Variants in PTPRD observed in about 807,000 individuals in gnomAD.
PTPRD encodes protein tyrosine phosphatase receptor type D, also known as receptor-type tyrosine-protein phosphatase delta.
In PTPRD, 34 loss-of-function variants were observed where a neutral mutation model predicts 214.5. That is an observed-to-expected ratio of 0.16 (90% CI 0.12 to 0.21). The LOEUF (loss-of-function observed/expected upper bound fraction) is 0.21, where lower values mean the gene tolerates loss of function less well. Ranked by LOEUF, PTPRD falls within the 10% of genes least tolerant of loss-of-function variation. The probability of loss-of-function intolerance (pLI) is 1.00; values close to 1 mark genes in which losing one functional copy is unlikely to be tolerated. For missense variants in PTPRD, 2,545 were observed against 2,398.7 expected (o/e 1.06, Z -1.27); for synonymous variants, 1,128 against 845.7 (o/e 1.33, Z -5.79).
intron 3 of PTPRD, among the ~76,000 whole-genome samples, chr9:10,298,325 G>C (rs1250031751): frequency 6.6e-6 from 1 of 152,032 alleles, no homozygotes; most frequent in African/African-American, 2.4e-5. Flanking sequence ...TATTGTAAAA[G>C]ATCCATTACT....
At chr9:10,308,565 A>G (rs1406275341) in intron 3 of PTPRD, among the ~76,000 whole-genome samples, 1 of 151,978 alleles carries the variant, frequency 6.6e-6, no homozygotes, top group Non-Finnish European at 1.5e-5. Flanking sequence ...GGTTTCATAA[A>G]AATTTAAAGA....
chr9:8,659,240 A>C (rs1480180712), intron 12 of PTPRD, among the ~76,000 whole-genome samples: 2 of 152,202 alleles, frequency 1.3e-5, no homozygotes, highest in Non-Finnish European at 2.9e-5. Flanking sequence ...GAATTTCTTC[A>C]AGTGAATGCT....
At chr9:10,590,074 T>C (rs2075044259) in intron 2 of PTPRD, among the ~76,000 whole-genome samples, 1 of 151,992 alleles carries the variant, frequency 6.6e-6, no homozygotes, top group African/African-American at 2.4e-5. Flanking sequence ...GTCAATGAGG[T>C]GAAAACAGCA....
intron 11 of PTPRD, among the ~76,000 whole-genome samples, chr9:8,848,311 TCC>T (rs1491538131): frequency 3.2e-5 from 2 of 63,184 alleles, no homozygotes; most frequent in Non-Finnish European, 5.5e-5. Flanking sequence ...TTAAGATTTT[TCC>T]TTTTTTTTTT....
At chr9:8,929,833 G>A (rs1323429938) in intron 11 of PTPRD, among the ~76,000 whole-genome samples, 1 of 97,318 alleles carries the variant, frequency 1.0e-5, no homozygotes, top group East Asian at 3.6e-4. Context: ...ATATATATGT[G>A]TATATATATG....
chr9:10,224,467 G>A (rs766196613), intron 3 of PTPRD, among the ~76,000 whole-genome samples: 8 of 151,846 alleles, frequency 5.3e-5, no homozygotes, highest in Non-Finnish European at 7.4e-5. Context: ...TAGAAAAAAT[G>A]TTAATTTTTA....
intron 9 of PTPRD, among the ~76,000 whole-genome samples, chr9:9,217,122 A>G (rs76544003): frequency 0.058 from 8,893 of 152,080 alleles, 287 homozygotes; most frequent in South Asian, 0.085. Flanking sequence ...AGCCAAAGAG[A>G]TTCCACTGGG....
At chr9:8,829,725 A>T (rs1489683065) in intron 11 of PTPRD, among the ~76,000 whole-genome samples, 1 of 152,152 alleles carries the variant, frequency 6.6e-6, no homozygotes, top group Non-Finnish European at 1.5e-5. Flanking sequence ...TTTTGACAGC[A>T]CAGAACAATG....
chr9:10,412,344 C>T (rs957005638), intron 2 of PTPRD, among the ~76,000 whole-genome samples: 1 of 151,638 alleles, frequency 6.6e-6, no homozygotes, highest in Non-Finnish European at 1.5e-5. Flanking sequence ...GACACACTCA[C>T]CCTTCTAAGA....
At chr9:9,225,543 A>C (rs150019452) in intron 9 of PTPRD, among the ~76,000 whole-genome samples, 2 of 152,176 alleles carry the variant, frequency 1.3e-5, no homozygotes, top group East Asian at 3.9e-4. Flanking sequence ...CCACTTCCTC[A>C]CACATCACCC....
chr9:9,541,853 T>C (rs1237701422), intron 8 of PTPRD, among the ~76,000 whole-genome samples: 1 of 151,798 alleles, frequency 6.6e-6, no homozygotes, highest in Non-Finnish European at 1.5e-5. Flanking sequence ...TTTTGGACTT[T>C]CACTGAGTAA....
chr9:10,472,517 C>T (rs1373822615), intron 2 of PTPRD, among the ~76,000 whole-genome samples: 1 of 151,794 alleles, frequency 6.6e-6, no homozygotes, highest in Non-Finnish European at 1.5e-5. Context: ...AAACAAGTGG[C>T]AATATCAGTG....
intron 9 of PTPRD, among the ~76,000 whole-genome samples, chr9:9,298,148 GA>G (rs1228084248): frequency 1.3e-5 from 2 of 151,618 alleles, no homozygotes; most frequent in Non-Finnish European, 3.0e-5. Flanking sequence ...AGAAAAGGAA[GA>G]AAGTTTGAAC....
At chr9:9,553,457 C>A (rs927335204) in intron 8 of PTPRD, among the ~76,000 whole-genome samples, 1 of 151,910 alleles carries the variant, frequency 6.6e-6, no homozygotes, top group African/African-American at 2.4e-5. Flanking sequence ...GATGAGGATA[C>A]TGAAACTCAA....
chr9:10,441,325 G>A (rs1312756351), intron 2 of PTPRD, among the ~76,000 whole-genome samples: 1 of 151,670 alleles, frequency 6.6e-6, no homozygotes, highest in African/African-American at 2.4e-5. Context: ...AGACCAAGAT[G>A]GACTTCCTTT....
chr9:9,386,449 G>A (rs781614680), intron 9 of PTPRD, among the ~76,000 whole-genome samples: 2 of 151,674 alleles, frequency 1.3e-5, no homozygotes, highest in Non-Finnish European at 2.9e-5. Flanking sequence ...CCGGTAAAAC[G>A]AATGGTGGTT....
At chr9:8,599,819 G>C (rs1426145733) in intron 14 of PTPRD, among the ~76,000 whole-genome samples, 1 of 151,888 alleles carries the variant, frequency 6.6e-6, no homozygotes, top group Admixed American at 6.6e-5. Flanking sequence ...GCTTCTCCAT[G>C]TTGGTCAGGC....
intron 11 of PTPRD, among the ~76,000 whole-genome samples, chr9:8,934,192 GA>G (rs1036689193): frequency 6.6e-6 from 1 of 150,442 alleles, no homozygotes; most frequent in Non-Finnish European, 1.5e-5. Flanking sequence ...AGATAATATG[GA>G]AAAAAAGAAT....
chr9:9,465,633 C>T (rs188572826), intron 8 of PTPRD, among the ~76,000 whole-genome samples: 18 of 152,314 alleles, frequency 1.2e-4, no homozygotes, highest in African/African-American at 4.1e-4. Context: ...GAACGATCCT[C>T]TCTTCCATCT....
Sources: gnomAD v4.1 joint callset for allele counts (sites outside exome capture counted in the v4.1 genomes callset) on GRCh38, gnomAD v4.1.1 for gene constraint, MANE v1.5 for transcripts, NCBI Gene and HGNC (gene_info 2026-07-23, HGNC 2026-07-21) for gene names.